TTC38: variants seen among roughly 807,000 people sequenced by gnomAD.
The protein encoded by TTC38 is tetratricopeptide repeat domain 38.
In TTC38, 64 loss-of-function variants were observed where a neutral mutation model predicts 64.2. The observed-to-expected ratio is 1.00, with a 90% CI of 0.81 to 1.23. The LOEUF is 1.23. Among genes scored for constraint, TTC38 ranks in the 50% most tolerant of loss-of-function variants. TTC38 has a pLI of 0.00. For synonymous variants in TTC38, 254 were observed against 249.3 expected, an observed-to-expected ratio of 1.02 and a Z score of -0.18; for missense variants, 573 against 615.5, an observed-to-expected ratio of 0.93 and a Z score of 0.73.
In TTC38 at chr22:46,292,344, T is replaced by C. The variant is rs2077622382; in HGVS notation, c.1317-447T>C. 1.2e-5 allele frequency: 4 copies of C among 342,210 alleles called. No homozygotes were observed. The highest frequency in any genetic ancestry group is 9.6e-5 in the South Asian group (4 of 41,808). 21.2% of individuals were successfully genotyped at this position (342,210 alleles called of 1,614,324 possible). ...GATTACAGGGGTGAGCCACCACACCTATCTCTTCTTATAAGGGCACTAATC... is the reference window on the plus strand; with the variant it reads ...GATTACAGGGGTGAGCCACCACACCCATCTCTTCTTATAAGGGCACTAATC... On this transcript the variant is annotated intron_variant, in intron 13 of 13. Coordinates refer to ENST00000381031, the MANE Select transcript of TTC38 (RefSeq NM_017931.4). This position sits in a 1 kb window ranked among gnomAD's most constrained non-coding sequence, Gnocchi z 6.5.
At chr22:46,280,865 G>A (rs949197906) in intron 6 of TTC38, among the ~76,000 whole-genome samples, 3 of 152,252 alleles carry the variant, frequency 2.0e-5, no homozygotes, top group African/African-American at 7.2e-5. Flanking sequence ...TGGGGCTTCT[G>A]TGAGCCTCAG....
rs979028417 is a variant in TTC38 at position 46,270,901 on chromosome 22, G to T, written c.112-1434G>T. Among the ~76,000 whole-genome samples, 1 of 151,316 alleles carries T rather than the reference G, an allele frequency of 6.6e-6. No homozygotes were observed. Among genetic ancestry groups the T allele is most frequent in the African/African-American group, 2.4e-5 (1 of 41,092 alleles). On this transcript the variant is annotated intron_variant, in intron 2 of 13. Coordinates refer to ENST00000381031, the MANE Select transcript of TTC38 (RefSeq NM_017931.4). This position sits in a 1 kb window ranked among gnomAD's most constrained non-coding sequence, Gnocchi z 4.7. ...CCTGTAATCCCAGCTACTAAGGAGGGATTCTCCTACCAAGGCAGGAGAATT... is the reference window on the plus strand; with the variant it reads ...CCTGTAATCCCAGCTACTAAGGAGGTATTCTCCTACCAAGGCAGGAGAATT...
In TTC38 at chr22:46,281,488, C is replaced by G; in HGVS notation, c.616-111C>G. 3 of 1,161,370 alleles carry G rather than the reference C, an allele frequency of 2.6e-6. No individual in the cohort carries two copies. Among genetic ancestry groups the G allele is most frequent in the Non-Finnish European group, 2.4e-6 (2 of 817,658 alleles). The allele number at this position is 1,161,370 out of a possible 1,614,324, so 71.9% of individuals were successfully genotyped here. Reference sequence around the variant, plus strand: ...TCAGAGCCCCGCCCCCCCACTTGCTCCACCCCGTTCAGCCCAGGCCCCTCT... The same window carrying G: ...TCAGAGCCCCGCCCCCCCACTTGCTGCACCCCGTTCAGCCCAGGCCCCTCT... On this transcript the variant is annotated intron_variant, in intron 6 of 13. Coordinates refer to ENST00000381031, the MANE Select transcript of TTC38 (RefSeq NM_017931.4). This position sits in a 1 kb window ranked among gnomAD's most constrained non-coding sequence, Gnocchi z 5.2.
At chr22:46,288,660 C>G (rs2077589413) in intron 11 of TTC38, 72 bp downstream of exon 11, 3 of 1,489,926 alleles carry the variant, frequency 2.0e-6, no homozygotes, top group Non-Finnish European at 2.7e-6. Context: ...TAGGGCCATG[C>G]TGAGACCTGT....
chr22:46,278,785 G>GTCTCTCTGAGGA, intron 6 of TTC38, 124 bp downstream of exon 6: 2 of 814,466 alleles, frequency 2.5e-6, no homozygotes, highest in Non-Finnish European at 4.3e-6. Flanking sequence ...CACTTCCTCA[G>GTCTCTCTGAGGA]AGAGACTGGG....
At chr22:46,285,432 T>C (rs1255555049) in intron 9 of TTC38, among the ~76,000 whole-genome samples, 153 bp downstream of exon 9, 2 of 152,134 alleles carry the variant, frequency 1.3e-5, no homozygotes, top group Non-Finnish European at 1.5e-5. Context: ...GGGGTTAATT[T>C]TGCCAAGAGC....
At position 46,293,974 on chromosome 22, in the gene TTC38, T is replaced by A. The variant is rs1316016794; in HGVS notation, c.*1090T>A. The A allele has an allele frequency of 6.6e-6, 1 of 152,180 alleles. No individual in the cohort carries two copies. Among genetic ancestry groups the A allele is most frequent in the Non-Finnish European group, 1.5e-5 (1 of 68,048 alleles). The allele number at this position is 152,180 out of a possible 1,614,324, so 9.4% of individuals were successfully genotyped here. A position where few individuals can be genotyped will look rare whatever the true frequency, so the allele number is the denominator to read the frequency against. ...ACAGTTTGCTCAAGCCCAGGCAAAT[T>A]TCTGTGATTAAAATGAATTCATCAG... On this transcript the variant is annotated 3_prime_UTR_variant, in exon 14 of 14. Transcript: ENST00000381031. The surrounding 1 kb of genome is among the most constrained non-coding windows in gnomAD (Gnocchi z 6.6).
At position 46,281,473 on chromosome 22, in the gene TTC38, G is replaced by GCCCCC; in HGVS notation, c.616-123_616-119dup. ...TGTCAGTGTTTTGAGTCAGAGCCCC[G>GCCCCC]CCCCCCCACTTGCTCCACCCCGTTC... On this transcript the variant is annotated intron_variant, in intron 6 of 13. Transcript: ENST00000381031. The surrounding 1 kb of genome is among the most constrained non-coding windows in gnomAD (Gnocchi z 5.2). The GCCCCC allele has an allele frequency of 4.1e-6, 3 of 727,988 alleles. No individual in the cohort carries two copies. The highest frequency in any genetic ancestry group is 2.9e-5 in the East Asian group (1 of 34,950). 45.1% of individuals were successfully genotyped at this position (727,988 alleles called of 1,614,324 possible). A position where few individuals can be genotyped will look rare whatever the true frequency, so the allele number is the denominator to read the frequency against.
intron 9 of TTC38, 72 bp from the exon 10 acceptor site, chr22:46,287,001 G>C: frequency 2.4e-6 from 3 of 1,273,302 alleles, no homozygotes; most frequent in Non-Finnish European, 3.3e-6. Context: ...TGGACAGGCT[G>C]ACCCTGGCTG....
Position 46,285,086 on chromosome 22 carries a change from G to A in TTC38, c.796-155G>A, listed in dbSNP as rs768069196. 1.8e-4 allele frequency among the ~76,000 whole-genome samples: 27 copies of A among 152,054 alleles called. 1 individual carries two copies. The highest frequency in any genetic ancestry group is 6.0e-4 in the African/African-American group (25 of 41,470). ...AAGCGGGTTCACCTTCTCCCATCCCGAATGCCACCAAGACACCGTCCGTCC... is the reference window on the plus strand; with the variant it reads ...AAGCGGGTTCACCTTCTCCCATCCCAAATGCCACCAAGACACCGTCCGTCC... On this transcript the variant is annotated intron_variant, in intron 8 of 13. Transcript: ENST00000381031.
chr22:46,283,046 G>A (rs1165675432), intron 7 of TTC38, among the ~76,000 whole-genome samples: 2 of 152,008 alleles, frequency 1.3e-5, no homozygotes, highest in African/African-American at 2.4e-5. Flanking sequence ...CTTCCACCTC[G>A]GCCTCCCAAA....
chr22:46,292,720 A>C lies in TTC38; in HGVS notation c.1317-71A>C. 1 of 1,378,456 alleles carries C rather than the reference A, an allele frequency of 7.3e-7. No homozygotes were observed. The highest frequency in any genetic ancestry group is 1.0e-6 in the Non-Finnish European group (1 of 969,706). The allele number at this position is 1,378,456 out of a possible 1,614,324, so 85.4% of individuals were successfully genotyped here. ...TAGCCTGCCTGTGTTCTGCCTTGGGACCAAGGGACCACCAGGCCCCACATC... is the reference window on the plus strand; with the variant it reads ...TAGCCTGCCTGTGTTCTGCCTTGGGCCCAAGGGACCACCAGGCCCCACATC... On this transcript the variant is annotated intron_variant, in intron 13 of 13. Transcript: ENST00000381031. The surrounding 1 kb of genome is among the most constrained non-coding windows in gnomAD (Gnocchi z 6.5).
chr22:46,272,484 A>C lies in TTC38; in HGVS notation c.193+68A>C. 1.5e-6 allele frequency: 2 copies of C among 1,351,412 alleles called. No individual in the cohort carries two copies. The highest frequency in any genetic ancestry group is 2.1e-6 in the Non-Finnish European group (2 of 947,538). The allele number at this position is 1,351,412 out of a possible 1,614,324, so 83.7% of individuals were successfully genotyped here. A position where few individuals can be genotyped will look rare whatever the true frequency, so the allele number is the denominator to read the frequency against. ...ATCCAGCCCCTCTCTTTCCTTTACC[A>C]CAGGGACACAGTTGGGATGGGGAAG... On this transcript the variant is annotated intron_variant, in intron 3 of 13. Coordinates refer to ENST00000381031, the MANE Select transcript of TTC38 (RefSeq NM_017931.4). This position sits in a 1 kb window ranked among gnomAD's most constrained non-coding sequence, Gnocchi z 6.4.
intron 2 of TTC38, chr22:46,268,840 G>A: frequency 4.4e-6 from 2 of 450,646 alleles, no homozygotes; most frequent in Non-Finnish European, 8.2e-6. Flanking sequence ...GCCCGCCACT[G>A]CCCTCGACTA....
At position 46,281,309 on chromosome 22, in the gene TTC38, C is replaced by T. The variant is rs533655661; in HGVS notation, c.616-290C>T. Among the ~76,000 whole-genome samples the T allele has an allele frequency of 3.3e-5, 5 of 152,326 alleles. No homozygotes were observed. Among genetic ancestry groups the T allele is most frequent in the African/African-American group, 1.2e-4 (5 of 41,572 alleles). On this transcript the variant is annotated intron_variant, in intron 6 of 13. Coordinates refer to ENST00000381031, the MANE Select transcript of TTC38 (RefSeq NM_017931.4). The surrounding 1 kb of genome is among the most constrained non-coding windows in gnomAD (Gnocchi z 5.2). ...AGAATGCTGTGGGCTTGGGTCTGAG[C>T]CCTGGCTTTAGAAAGATCCTGCTGC... is the stretch of plus-strand genomic sequence containing the variant.
intron 2 of TTC38, chr22:46,269,208 C>A (rs545213441): frequency 8.6e-6 from 3 of 346,840 alleles, no homozygotes; most frequent in Non-Finnish European, 1.8e-5. Flanking sequence ...CTGGCCTCCC[C>A]GGGCCTCCCA....
chr22:46,288,482 G>A lies in TTC38; in HGVS notation c.976G>A (p.Asp326Asn). 1 of 1,614,030 alleles carries A rather than the reference G, an allele frequency of 6.2e-7. No homozygotes were observed. The highest frequency in any genetic ancestry group is 8.5e-7 in the Non-Finnish European group (1 of 1,179,936). ...VLPVARKHSR[D>N]HILLFNDAHF... ...GCCTGTGGCCCGGAAGCACAGCCGA[G>A]ACCACATCCTGCTGTTCAATGACGC... Residue 326 changes from aspartate to asparagine, a missense_variant, in exon 11 of 14, where the codon GAC (aspartate) becomes AAC (asparagine). Asp to Asn is a conservative substitution (Grantham distance 23). Coordinates refer to ENST00000381031, the MANE Select transcript of TTC38 (RefSeq NM_017931.4).
In TTC38 at chr22:46,287,062, C is replaced by G; in HGVS notation, c.835-11C>G. Reference sequence around the variant, plus strand: ...ACCCGCTGAGCCCGCCTTGGCCGCCCTGTCTTCCAGATCCTTCCCAGCCTG... The same window carrying G: ...ACCCGCTGAGCCCGCCTTGGCCGCCGTGTCTTCCAGATCCTTCCCAGCCTG... On this transcript the variant is annotated splice_polypyrimidine_tract_variant and intron_variant, in intron 9 of 13. Coordinates refer to ENST00000381031, the MANE Select transcript of TTC38 (RefSeq NM_017931.4). 6.3e-7 allele frequency: 1 copy of G among 1,593,136 alleles called. No individual in the cohort carries two copies. Among genetic ancestry groups the G allele is most frequent in the East Asian group, 2.2e-5 (1 of 44,554 alleles).
Position 46,292,993 on chromosome 22 carries a change from G to A in TTC38, c.*109G>A. On this transcript the variant is annotated 3_prime_UTR_variant, in exon 14 of 14. Coordinates refer to ENST00000381031, the MANE Select transcript of TTC38 (RefSeq NM_017931.4). The surrounding 1 kb of genome is among the most constrained non-coding windows in gnomAD (Gnocchi z 6.5). ...GAGACGGCCAGAGCCTGTTTGTTAG[G>A]GCTGTTAGAGGGTGATCTTCAGTTT... The A allele has an allele frequency of 1.3e-6, 1 of 771,990 alleles. No individual in the cohort carries two copies. Among genetic ancestry groups the A allele is most frequent in the Non-Finnish European group, 2.2e-6 (1 of 451,844 alleles). 47.8% of individuals were successfully genotyped at this position (771,990 alleles called of 1,614,324 possible).
Sources: allele counts gnomAD v4.1 joint callset (sites outside exome capture counted in the v4.1 genomes callset), GRCh38; gene constraint gnomAD v4.1.1; non-coding constraint Gnocchi (gnomAD v3.1); transcripts MANE v1.5; gene names NCBI Gene and HGNC (gene_info 2026-07-23, HGNC 2026-07-21).